The following TP63 variants were observed in gnomAD, a reference collection of about 807,000 sequenced individuals.
TP63 encodes tumor protein 63.
In TP63, 17 loss-of-function variants were observed where a neutral mutation model predicts 82.8. That is an observed-to-expected ratio of 0.21 (90% confidence interval 0.14 to 0.31). TP63 has a LOEUF of 0.31. TP63 is among the 10% of genes least tolerant of loss of function. The probability of loss-of-function intolerance (pLI) is 1.00; values close to 1 mark genes in which losing one functional copy is unlikely to be tolerated. For missense variants in TP63, 648 were observed against 895.3 expected, an observed-to-expected ratio of 0.72 and a Z score of 3.52; for synonymous variants, 330 against 321.7, an observed-to-expected ratio of 1.03 and a Z score of -0.28.
chr3:189,833,414 A>C (rs1712657460), intron 4 of TP63, among the ~76,000 whole-genome samples: 1 of 152,264 alleles, frequency 6.6e-6, no homozygotes, highest in African/African-American at 2.4e-5. Context: ...CAGTGTCTTC[A>C]TAACAAGCCC....
chr3:189,653,110 A>G (rs1011123587), intron 1 of TP63, among the ~76,000 whole-genome samples: 3 of 119,790 alleles, frequency 2.5e-5, no homozygotes, highest in African/African-American at 6.8e-5. Context: ...CATCGCAGAA[A>G]ATAGGAAATA....
chr3:189,731,417 C>T (rs1287828229), intron 1 of TP63, among the ~76,000 whole-genome samples: 2 of 152,080 alleles, frequency 1.3e-5, no homozygotes, highest in East Asian at 3.8e-4. Context: ...ACCAGTTCTT[C>T]TTAGATTTCA....
rs911480027 is a variant in TP63, at chr3:189,873,130, T to C, written c.1349+135T>C. 8.7e-5 allele frequency: 120 copies of C among 1,380,978 alleles called. 2 individuals carry two copies. In the South Asian group the frequency reaches 1.3e-3, roughly 16 times the overall value. 85.5% of individuals were successfully genotyped at this position (1,380,978 alleles called of 1,614,324 possible). A position where few individuals can be genotyped will look rare whatever the true frequency, so the allele number is the denominator to read the frequency against. On this transcript the variant is annotated intron_variant, in intron 10 of 13. Coordinates refer to ENST00000264731, the MANE Select transcript of TP63 (RefSeq NM_003722.5). The stretch of plus-strand genomic sequence containing the variant: ...TGTCATAGATTCAGATGACCTGGTA[T>C]GGCAACCCTCTTTCAGTTGCAACCT...
intron 1 of TP63, among the ~76,000 whole-genome samples, chr3:189,728,018 T>C (rs1043721274): frequency 1.3e-5 from 2 of 152,198 alleles, no homozygotes; most frequent in South Asian, 4.1e-4. Context: ...GAACATGTTT[T>C]ATGTTTGTGG....
chr3:189,820,831 G>A (rs1295232908), intron 4 of TP63, among the ~76,000 whole-genome samples: 1 of 152,026 alleles, frequency 6.6e-6, no homozygotes, highest in Non-Finnish European at 1.5e-5. Context: ...TAATCTCATG[G>A]GTATTTTTGC....
At chr3:189,719,164 A>G (rs1719186037) in intron 1 of TP63, among the ~76,000 whole-genome samples, 2 of 152,136 alleles carry the variant, frequency 1.3e-5, no homozygotes, top group African/African-American at 4.8e-5. Context: ...CCACAGAAAA[A>G]CGGTGTTCTC....
chr3:189,752,018 A>G (rs1227950471), intron 3 of TP63, among the ~76,000 whole-genome samples: 1 of 152,086 alleles, frequency 6.6e-6, no homozygotes, highest in African/African-American at 2.4e-5. Context: ...GGGACACTCT[A>G]ATTATGAATT....
intron 1 of TP63, among the ~76,000 whole-genome samples, chr3:189,678,106 C>T (rs146044673): frequency 7.0e-4 from 107 of 152,122 alleles, no homozygotes; most frequent in African/African-American, 2.5e-3. Context: ...AACTGAGTCC[C>T]ATTTGTCTAT....
In TP63 at chr3:189,652,703, T is replaced by TC. The variant is rs1560086113; in HGVS notation, c.62+21129dup. ...CTCAAATGTCATCTTGAATTTTAGT[T>TC]CCCATAATCCCCACGTGTCATGGGA... On this transcript the variant is annotated intron_variant, in intron 1 of 13. Transcript: ENST00000264731. Among the ~76,000 whole-genome samples the TC allele has an allele frequency of 2.0e-5, 3 of 146,846 alleles. 1 individual carries two copies. Among genetic ancestry groups the TC allele is most frequent in the African/African-American group, 7.7e-5 (3 of 39,118 alleles).
rs397991949 is a variant in TP63, at chr3:189,663,521, C to CTTTTTTTTTTTT, written c.62+31957_62+31968dup. On this transcript the variant is annotated intron_variant, in intron 1 of 13. Coordinates refer to ENST00000264731, the MANE Select transcript of TP63 (RefSeq NM_003722.5). ...ATTTAAGTGGCTTATTTCATTCATT[C>CTTTTTTTTTTTT]TTTTTTTTTTTTTTTTTTTTTTTTG... 4.4e-4 allele frequency among the ~76,000 whole-genome samples: 37 copies of CTTTTTTTTTTTT among 84,552 alleles called. 3 individuals are homozygous for CTTTTTTTTTTTT. The highest frequency in any genetic ancestry group is 6.0e-4 in the Non-Finnish European group (29 of 48,446). 55.5% of individuals were successfully genotyped at this position (84,552 alleles called of 152,430 possible).
intron 10 of TP63, among the ~76,000 whole-genome samples, chr3:189,876,020 A>G (rs900049814): frequency 6.6e-6 from 1 of 152,140 alleles, no homozygotes; most frequent in Non-Finnish European, 1.5e-5. Flanking sequence ...GATAGAGGTG[A>G]GAAAGATGTA....
At chr3:189,850,302 G>A (rs552272557) in intron 4 of TP63, among the ~76,000 whole-genome samples, 47 of 151,120 alleles carry the variant, frequency 3.1e-4, no homozygotes, top group African/African-American at 1.0e-3. Flanking sequence ...TTCCCCCACC[G>A]CCACCACCAA....
At chr3:189,708,227 G>A (rs1007785713) in intron 1 of TP63, among the ~76,000 whole-genome samples, 1 of 152,092 alleles carries the variant, frequency 6.6e-6, no homozygotes, top group East Asian at 1.9e-4. Flanking sequence ...TTTTAACTTC[G>A]AACTTGGAAC....
chr3:189,875,631 T>A (rs1211922872), intron 10 of TP63, among the ~76,000 whole-genome samples: 1 of 119,322 alleles, frequency 8.4e-6, no homozygotes, highest in Non-Finnish European at 1.9e-5. Flanking sequence ...TATATATATA[T>A]ATATATAAAC....
intron 1 of TP63, among the ~76,000 whole-genome samples, chr3:189,686,714 TG>T (rs1716470391): frequency 4.9e-5 from 1 of 20,594 alleles, no homozygotes. Context: ...ACTCAGGGGG[TG>T]GGGGGCAGGG....
At chr3:189,670,190 A>C (rs1266784988) in intron 1 of TP63, among the ~76,000 whole-genome samples, 1 of 152,080 alleles carries the variant, frequency 6.6e-6, no homozygotes, top group Non-Finnish European at 1.5e-5. Flanking sequence ...TTGAAGACTG[A>C]CACATCCAAA....
At chr3:189,875,593 CATATATATATATATATATATAT>C (rs774764336) in intron 10 of TP63, among the ~76,000 whole-genome samples, 35 of 40,782 alleles carry the variant, frequency 8.6e-4, no homozygotes, top group South Asian at 1.7e-3. Context: ...AAAATACATA[CATATATATATATATATATATAT>C]ATATATATAT....
chr3:189,792,527 A>C (rs1039531217), intron 3 of TP63, among the ~76,000 whole-genome samples: 1 of 152,126 alleles, frequency 6.6e-6, no homozygotes, highest in Non-Finnish European at 1.5e-5. Context: ...AAAATTCCTC[A>C]TCCGGGGTTT....
chr3:189,620,512 A>C, the TP63 span, among the ~76,000 whole-genome samples: 1 of 148,966 alleles, frequency 6.7e-6, no homozygotes, highest in African/African-American at 2.5e-5. Flanking sequence ...CCATCAAAAA[A>C]AAAACAAAAA....
Sources: gnomAD v4.1 joint callset for allele counts (sites outside exome capture counted in the v4.1 genomes callset) on GRCh38, gnomAD v4.1.1 for gene constraint, MANE v1.5 for transcripts, NCBI Gene and HGNC (gene_info 2026-07-23, HGNC 2026-07-21) for gene names.